The following GTF2H5 variants were observed in gnomAD, a reference collection of about 807,000 sequenced individuals.
GTF2H5 encodes the protein TFB5 ortholog.
GTF2H5 carries 5 observed loss-of-function variants against 7.1 expected under a neutral mutation model. That is an observed-to-expected ratio of 0.71 (90% CI 0.37 to 1.49). GTF2H5 has a LOEUF of 1.49. Among genes scored for constraint, GTF2H5 ranks in the 40% most tolerant of loss-of-function variants. GTF2H5 has a pLI of 0.03. For missense variants in GTF2H5, 80 were observed against 83.0 expected (o/e 0.96, Z 0.14); for synonymous variants, 30 against 31.7 (o/e 0.95, Z 0.18).
intron 2 of GTF2H5, among the ~76,000 whole-genome samples, chr6:158,172,072 A>G (rs971735933): frequency 1.3e-5 from 2 of 152,044 alleles, no homozygotes; most frequent in Non-Finnish European, 1.5e-5. Flanking sequence ...GTTTCTTCCA[A>G]TTCTAAGTTT....
intron 2 of GTF2H5, among the ~76,000 whole-genome samples, chr6:158,185,376 C>CA (rs1776902247): frequency 6.6e-6 from 1 of 151,648 alleles, no homozygotes; most frequent in South Asian, 2.1e-4. Flanking sequence ...CCCATTTCTA[C>CA]AAAAAATACA....
At chr6:158,174,267 A>G (rs1785899878) in intron 2 of GTF2H5, among the ~76,000 whole-genome samples, 2 of 152,154 alleles carry the variant, frequency 1.3e-5, no homozygotes, top group African/African-American at 4.8e-5. Context: ...TAGCTTATAT[A>G]GTGCTGATCC....
intron 2 of GTF2H5, among the ~76,000 whole-genome samples, chr6:158,173,680 A>G (rs900233710): frequency 2.0e-5 from 3 of 152,026 alleles, no homozygotes; most frequent in Non-Finnish European, 2.9e-5. Flanking sequence ...CTGGAAGCCA[A>G]GTTGGTTTTT....
At chr6:158,184,588 T>C (rs1419253492) in intron 2 of GTF2H5, among the ~76,000 whole-genome samples, 2 of 152,186 alleles carry the variant, frequency 1.3e-5, no homozygotes, top group Non-Finnish European at 2.9e-5. Context: ...TAGACACCCA[T>C]ATCTCAGATT....
At chr6:158,169,686 A>G (rs11758332) in intron 1 of GTF2H5, among the ~76,000 whole-genome samples, 2 of 29,756 alleles carry the variant, frequency 6.7e-5, no homozygotes, top group African/African-American at 4.1e-4. Context: ...ATAATATATA[A>G]TATATATTAT....
chr6:158,186,665 G>A (rs1776927579), intron 2 of GTF2H5, among the ~76,000 whole-genome samples: 1 of 152,212 alleles, frequency 6.6e-6, no homozygotes, highest in African/African-American at 2.4e-5. Context: ...TGCCCAAGGT[G>A]TTCGGGCTAC....
At chr6:158,169,605 T>G (rs1269180657) in intron 1 of GTF2H5, among the ~76,000 whole-genome samples, 3 of 91,282 alleles carry the variant, frequency 3.3e-5, no homozygotes, top group African/African-American at 5.0e-5. Context: ...ATATTACATA[T>G]ATTGTATATT....
intron 1 of GTF2H5, among the ~76,000 whole-genome samples, chr6:158,169,379 TATA>T (rs1785717233): frequency 1.0e-5 from 1 of 97,370 alleles, no homozygotes; most frequent in Non-Finnish European, 1.8e-5. Context: ...ATATGTATAT[TATA>T]TATTATATAT....
In GTF2H5 at chr6:158,183,475, G is replaced by T. The variant is rs1215684555; in HGVS notation, c.36-8502G>T. The stretch of plus-strand genomic sequence containing the variant: ...TGTGTGCTGCCTTTTGTTCAGATAT[G>T]TCCTGCCTTCAGAGGTGGAATCTAG... On this transcript the variant is annotated intron_variant, in intron 2 of 2. Transcript: ENST00000607778. 2.0e-5 allele frequency among the ~76,000 whole-genome samples: 3 copies of T among 152,234 alleles called. No individual in the cohort carries two copies. In the East Asian group the frequency reaches 5.8e-4, roughly 29 times the overall value.
chr6:158,172,628 C>T (rs1785873320), intron 2 of GTF2H5, among the ~76,000 whole-genome samples: 1 of 152,004 alleles, frequency 6.6e-6, no homozygotes, highest in Admixed American at 6.6e-5. Context: ...GTGTTTTTGT[C>T]TGTTCATTTT....
intron 2 of GTF2H5, among the ~76,000 whole-genome samples, chr6:158,173,741 C>T (rs1010115703): frequency 2.4e-5 from 3 of 126,430 alleles, no homozygotes; most frequent in Non-Finnish European, 4.8e-5. Flanking sequence ...AAAGTGAAAG[C>T]AAGTTTATTA....
rs545525122 is a variant in GTF2H5, at chr6:158,182,226, G to T, written c.36-9751G>T. Among the ~76,000 whole-genome samples the T allele has an allele frequency of 4.3e-4, 65 of 152,338 alleles. 1 individual carries two copies. The highest frequency in any genetic ancestry group is 4.1e-4 in the South Asian group (2 of 4,828). Reference sequence around the variant, plus strand: ...CCCCCACTCTCTTCTGGCTTGTAGGGTTTATGCGGAGCGATCCGCTGTTAG... The same window carrying T: ...CCCCCACTCTCTTCTGGCTTGTAGGTTTTATGCGGAGCGATCCGCTGTTAG... On this transcript the variant is annotated intron_variant, in intron 2 of 2. Coordinates refer to ENST00000607778, the MANE Select transcript of GTF2H5 (RefSeq NM_207118.3).
At position 158,172,665 on chromosome 6, in the gene GTF2H5, T is replaced by C. The variant is rs142032420; in HGVS notation, c.35+2127T>C. Reference sequence around the variant, plus strand: ...CCAAATATCTAGTTCTCCACCATTATTTCCTTTCTTAATGATGCTTGATGC... The same window carrying C: ...CCAAATATCTAGTTCTCCACCATTACTTCCTTTCTTAATGATGCTTGATGC... On this transcript the variant is annotated intron_variant, in intron 2 of 2. Transcript: ENST00000607778. Among the ~76,000 whole-genome samples the C allele has an allele frequency of 6.4e-4, 98 of 152,254 alleles. 1 individual carries two copies. In the East Asian group the frequency reaches 0.018, roughly 28 times the overall value.
At chr6:158,174,018 C>T (rs755228281) in intron 2 of GTF2H5, among the ~76,000 whole-genome samples, 35 of 152,012 alleles carry the variant, frequency 2.3e-4, no homozygotes, top group Non-Finnish European at 4.1e-4. Context: ...TTTTAGCGTG[C>T]GCATGCATTA....
In GTF2H5 at chr6:158,169,448, ATATAT is replaced by A. The variant is rs1336879066; in HGVS notation, c.-34-1016_-34-1012del. On this transcript the variant is annotated intron_variant, in intron 1 of 2. Transcript: ENST00000607778. The stretch of plus-strand genomic sequence containing the variant: ...TAATATATTGTATATTATATATATT[ATATAT>A]TATATATATTATATTGTATATTATA... 4.5e-5 allele frequency among the ~76,000 whole-genome samples: 3 copies of A among 66,864 alleles called. No homozygotes were observed. The South Asian group carries it at 1.4e-3, about 31-fold the overall frequency. The allele number at this position is 66,864 out of a possible 152,430, so 43.9% of individuals were successfully genotyped here. A position where few individuals can be genotyped will look rare whatever the true frequency, so the allele number is the denominator to read the frequency against.
intron 2 of GTF2H5, among the ~76,000 whole-genome samples, chr6:158,177,463 G>A (rs1233842740): frequency 6.6e-6 from 1 of 152,170 alleles, no homozygotes. Context: ...CAAAAAAGCT[G>A]ATGGGGACTT....
intron 2 of GTF2H5, among the ~76,000 whole-genome samples, chr6:158,187,846 G>A (rs772817184): frequency 3.9e-5 from 6 of 152,278 alleles, no homozygotes; most frequent in African/African-American, 7.2e-5. Context: ...GATTACAGGC[G>A]TGAGCCACCG....
At chr6:158,169,418 A>AT (rs1239127764) in intron 1 of GTF2H5, among the ~76,000 whole-genome samples, 3 of 89,746 alleles carry the variant, frequency 3.3e-5, no homozygotes, top group African/African-American at 1.5e-4. Context: ...ATTATATATT[A>AT]TATATAATAT....
rs1294139208 is a variant in GTF2H5 at position 158,198,965 on chromosome 6, G to A, written c.*6808G>A. The A allele has an allele frequency of 6.6e-6, 1 of 152,126 alleles. No individual in the cohort carries two copies. Among genetic ancestry groups the A allele is most frequent in the African/African-American group, 2.4e-5 (1 of 41,414 alleles). The allele number at this position is 152,126 out of a possible 1,614,324, so 9.4% of individuals were successfully genotyped here. A position where few individuals can be genotyped will look rare whatever the true frequency, so the allele number is the denominator to read the frequency against. On this transcript the variant is annotated 3_prime_UTR_variant, in exon 3 of 3. Coordinates refer to ENST00000607778, the MANE Select transcript of GTF2H5 (RefSeq NM_207118.3). ...GAATTCTTTTGACGTTTTTGAATAA[G>A]CTGTTAACAACTTTAATACCTGTCT...
Sources: allele counts gnomAD v4.1 joint callset (sites outside exome capture counted in the v4.1 genomes callset), GRCh38; gene constraint gnomAD v4.1.1; transcripts MANE v1.5; gene names NCBI Gene and HGNC (gene_info 2026-07-23, HGNC 2026-07-21).